Variants in TBK1 observed in about 807,000 individuals in gnomAD.
The protein encoded by TBK1 is TANK binding kinase 1.
Under a neutral mutation model 99.9 loss-of-function variants are expected in TBK1, and 37 were observed. The observed-to-expected ratio is 0.37, with a 90% confidence interval of 0.28 to 0.49. The LOEUF is 0.49. Among genes scored for constraint, TBK1 ranks in the 20% least tolerant of loss-of-function variants. The pLI, the probability that TBK1 is intolerant of heterozygous loss-of-function variation, is 0.98. For synonymous variants in TBK1, 258 were observed against 279.8 expected, an observed-to-expected ratio of 0.92 and a Z score of 0.78; for missense variants, 644 against 872.5, an observed-to-expected ratio of 0.74 and a Z score of 3.30.
intron 6 of TBK1, among the ~76,000 whole-genome samples, chr12:64,475,750 T>A (rs2040705155): frequency 6.6e-6 from 1 of 152,244 alleles, no homozygotes; most frequent in Non-Finnish European, 1.5e-5. Context: ...CACATTTTTG[T>A]TATCCAGTCT....
chr12:64,491,149 C>G (rs1401730895), intron 13 of TBK1, among the ~76,000 whole-genome samples: 1 of 152,000 alleles, frequency 6.6e-6, no homozygotes, highest in African/African-American at 2.4e-5. Context: ...TATTAGTAAT[C>G]AGTGAGAGCT....
At chr12:64,496,322 T>G in intron 15 of TBK1, 45 bp from the exon 16 acceptor site, 1 of 957,492 alleles carries the variant, frequency 1.0e-6, no homozygotes, top group Non-Finnish European at 1.5e-6. Context: ...GTGTATAATA[T>G]TATGATTCTA....
intron 8 of TBK1, 51 bp from the exon 9 acceptor site, chr12:64,484,252 C>A: frequency 3.3e-6 from 4 of 1,194,802 alleles, no homozygotes; most frequent in Admixed American, 2.3e-5. Flanking sequence ...AAATATTTTG[C>A]CTCTCACTTT....
chr12:64,473,942 GAC>G (rs2040686259), intron 5 of TBK1, among the ~76,000 whole-genome samples: 1 of 151,986 alleles, frequency 6.6e-6, no homozygotes, highest in South Asian at 2.1e-4. Flanking sequence ...AAATAAAACG[GAC>G]ACAGATTCAG....
At chr12:64,465,242 CAAAAA>C (rs57575805) in intron 4 of TBK1, among the ~76,000 whole-genome samples, 3 of 57,918 alleles carry the variant, frequency 5.2e-5, no homozygotes, top group African/African-American at 2.4e-4. Context: ...AAGACTATCT[CAAAAA>C]AAAAAAAAAA....
At chr12:64,500,838 A>T (rs528731632) in intron 20 of TBK1, among the ~76,000 whole-genome samples, 1 of 144,438 alleles carries the variant, frequency 6.9e-6, no homozygotes, top group African/African-American at 2.6e-5. Context: ...GGCTCACTGC[A>T]ACCTCTGCCT....
At chr12:64,469,036 T>G (rs1393857335) in intron 5 of TBK1, among the ~76,000 whole-genome samples, 1 of 152,004 alleles carries the variant, frequency 6.6e-6, no homozygotes. Flanking sequence ...ACAACCTGTG[T>G]TGTTGAGGGC....
intron 3 of TBK1, among the ~76,000 whole-genome samples, chr12:64,461,193 TATAAAA>T (rs2040545161): frequency 6.6e-6 from 1 of 151,516 alleles, no homozygotes; most frequent in African/African-American, 2.4e-5. Context: ...AAAAAATAAT[TATAAAA>T]AGAAAAAATC....
rs772820487 is a variant in TBK1, at chr12:64,495,772, C to T, written c.1717C>T (p.Arg573Cys). 33 of 1,569,094 alleles carry T rather than the reference C, an allele frequency of 2.1e-5. No individual in the cohort carries two copies. The highest frequency in any genetic ancestry group is 2.7e-5 in the Non-Finnish European group (31 of 1,162,482). ...TCAGTTCAAAAAAGACAAAGCAGAA[C>T]GTAGTAAGTAAAATTTGCTATTTGT... The part of the protein sequence containing the change: ...YYQFKKDKAE[R>C]RLAYNEEQIH... The change falls in exon 15 of 21, where the codon CGT becomes TGT. Residue 573 changes from arginine (R) to cysteine (C), a missense_variant. Coordinates refer to ENST00000331710, the MANE Select transcript of TBK1 (RefSeq NM_013254.4).
chr12:64,495,660 G>T, intron 14 of TBK1, 39 bp from the exon 15 acceptor site: 1 of 1,612,016 alleles, frequency 6.2e-7, no homozygotes, highest in South Asian at 1.1e-5. Flanking sequence ...TTTTCACATT[G>T]ACTCAGTTAA....
chr12:64,496,060 G>C, intron 15 of TBK1: 1 of 368,976 alleles, frequency 2.7e-6, no homozygotes, highest in Non-Finnish European at 4.8e-6. Flanking sequence ...CTCATCTACA[G>C]GGGAGAGCCA....
At chr12:64,461,470 A>G (rs2040547940) in intron 3 of TBK1, among the ~76,000 whole-genome samples, 1 of 152,236 alleles carries the variant, frequency 6.6e-6, no homozygotes, top group Non-Finnish European at 1.5e-5. Context: ...TTTAGTGATT[A>G]TTTCTTAGGA....
Position 64,501,343 on chromosome 12 carries a change from AC to A in TBK1, c.2154del (p.Met719TrpfsTer18). 6.2e-7 allele frequency: 1 copy of A among 1,613,992 alleles called. No individual in the cohort carries two copies. Among genetic ancestry groups the A allele is most frequent in the Non-Finnish European group, 8.5e-7 (1 of 1,179,990 alleles). ...NHILERFGSL[T>X]MDGGLRNVDC... ...TGTGTGTTTTAGGTTTGGCTCTTTAACCATGGATGGTGGCCTTCGCAACGTT... is the reference window on the plus strand; with the variant it reads ...TGTGTGTTTTAGGTTTGGCTCTTTAACATGGATGGTGGCCTTCGCAACGTT... On this transcript the variant is annotated frameshift_variant, in exon 21 of 21. Coordinates refer to ENST00000331710, the MANE Select transcript of TBK1 (RefSeq NM_013254.4). LOFTEE classifies it high-confidence loss of function.
chr12:64,482,271 CT>C (rs2040775454), intron 8 of TBK1, among the ~76,000 whole-genome samples: 1 of 152,134 alleles, frequency 6.6e-6, no homozygotes, highest in Non-Finnish European at 1.5e-5. Flanking sequence ...ACTTTCATTG[CT>C]GTGCCTTCTT....
chr12:64,499,211 T>A (rs1244582510), intron 20 of TBK1, among the ~76,000 whole-genome samples: 3 of 150,874 alleles, frequency 2.0e-5, no homozygotes, highest in Admixed American at 6.6e-5. Context: ...ACCCAGCTAG[T>A]TTTTTGTATT....
In TBK1 at chr12:64,463,366, C is replaced by T. The variant is rs374524217; in HGVS notation, c.229-968C>T. 2.5e-4 allele frequency among the ~76,000 whole-genome samples: 36 copies of T among 145,700 alleles called. No individual in the cohort carries two copies. The South Asian group carries it at 7.1e-3, about 29-fold the overall frequency. On this transcript the variant is annotated intron_variant, in intron 3 of 20. Transcript: ENST00000331710. ...CTGCGCTCCAGCCTGGGTGACAAAGCGAGACTTTGTCTCAAAAAAAAAAAA... is the reference window on the plus strand; with the variant it reads ...CTGCGCTCCAGCCTGGGTGACAAAGTGAGACTTTGTCTCAAAAAAAAAAAA...
At chr12:64,498,097 T>C in intron 20 of TBK1, 58 bp downstream of exon 20, 1 of 1,370,778 alleles carries the variant, frequency 7.3e-7, no homozygotes, top group South Asian at 1.2e-5. Flanking sequence ...CATTCACATC[T>C]GTACTTATAT....
intron 12 of TBK1, 39 bp from the exon 13 acceptor site, chr12:64,490,002 T>A: frequency 1.6e-6 from 2 of 1,256,206 alleles, no homozygotes; most frequent in Non-Finnish European, 2.3e-6. Flanking sequence ...TATGTATTGA[T>A]TATACTCATT....
At chr12:64,460,846 A>G (rs2040541511) in intron 3 of TBK1, among the ~76,000 whole-genome samples, 1 of 151,588 alleles carries the variant, frequency 6.6e-6, no homozygotes, top group Non-Finnish European at 1.5e-5. Flanking sequence ...AAAAAAAAAA[A>G]AAAAAGAAAG....
Sources: gnomAD v4.1 joint callset for allele counts (sites outside exome capture counted in the v4.1 genomes callset) on GRCh38, gnomAD v4.1.1 for gene constraint, MANE v1.5 for transcripts, NCBI Gene and HGNC (gene_info 2026-07-23, HGNC 2026-07-21) for gene names.